MASP1: variants seen among roughly 807,000 people sequenced by gnomAD.
MASP1 encodes the protein MBL associated serine protease 1, also known as mannan-binding lectin serine protease 1.
MASP1 carries 59 observed loss-of-function variants against 77.1 expected under a neutral mutation model. That is an observed-to-expected ratio of 0.77 (90% CI 0.62 to 0.95). The LOEUF is 0.95. Ranked by LOEUF, MASP1 falls within the 40% of genes least tolerant of loss-of-function variation. The pLI is 0.00. For synonymous variants in MASP1, 362 were observed against 354.5 expected (o/e 1.02, Z -0.24); for missense variants, 885 against 912.9 (o/e 0.97, Z 0.39).
chr3:187,223,207 A>G, intron 13 of MASP1: 1 of 1,611,702 alleles, frequency 6.2e-7, no homozygotes, highest in Non-Finnish European at 8.5e-7. Flanking sequence ...GGAGGAGAGA[A>G]GATACTGTGA....
At chr3:187,260,595 A>G (rs1043926675) in intron 4 of MASP1, 146 bp downstream of exon 4, 4 of 1,144,926 alleles carry the variant, frequency 3.5e-6, no homozygotes, top group Admixed American at 3.8e-5. Context: ...GCATTTCTGC[A>G]TCTTCATCCA....
chr3:187,236,647 T>A (rs1713217333), intron 10 of MASP1, 80 bp from the exon 11 acceptor site: 2 of 1,611,164 alleles, frequency 1.2e-6, no homozygotes, highest in Admixed American at 3.3e-5. Context: ...CAAAGATAAA[T>A]TCACATTTCA....
chr3:187,283,501 TAAGAGA>T (rs1368408321), intron 2 of MASP1, among the ~76,000 whole-genome samples: 1 of 152,136 alleles, frequency 6.6e-6, no homozygotes, highest in East Asian at 1.9e-4. Context: ...GAATCAAACT[TAAGAGA>T]AAGAGTTTCT....
In MASP1 at chr3:187,240,427, C is replaced by T. The variant is rs16861787; in HGVS notation, c.1303+1054G>A. 1.5e-3 allele frequency among the ~76,000 whole-genome samples: 226 copies of T among 152,216 alleles called. 2 individuals carry two copies. Among genetic ancestry groups the T allele is most frequent in the African/African-American group, 5.1e-3 (210 of 41,514 alleles). The stretch of plus-strand genomic sequence containing the variant: ...AAGGCATTTAATTTTCAGTATTCCT[C>T]AATGCTGTCTTGAGTGATTGTATCA... On this transcript the variant is annotated intron_variant, in intron 10 of 10. Transcript: ENST00000296280.
intron 4 of MASP1, among the ~76,000 whole-genome samples, chr3:187,257,134 G>C (rs991650267): frequency 6.6e-6 from 1 of 152,064 alleles, no homozygotes; most frequent in African/African-American, 2.4e-5. Context: ...ATGGGGGTCA[G>C]GGAGAGGGAT....
chr3:187,268,437 C>T lies in MASP1; in HGVS notation c.238-5717G>A, dbSNP rs60797280. Among the ~76,000 whole-genome samples the T allele has an allele frequency of 3.3e-3, 501 of 150,556 alleles. 2 individuals carry two copies. The highest frequency in any genetic ancestry group is 0.011 in the African/African-American group (441 of 40,878). On this transcript the variant is annotated intron_variant, in intron 2 of 10. Transcript: ENST00000296280. The stretch of plus-strand genomic sequence containing the variant: ...GGGAGGTTGAAGCTGCAGTGAGCCA[C>T]GATCATGCCACTACACTCCAGCCTG...
chr3:187,291,537 G>A, intron 1 of MASP1, 91 bp downstream of exon 1: 3 of 1,527,548 alleles, frequency 2.0e-6, no homozygotes, highest in Middle Eastern at 1.7e-4. Flanking sequence ...GGACACGCAG[G>A]TGAGTCTGTC....
At chr3:187,264,197 G>T (rs1157381224) in intron 2 of MASP1, among the ~76,000 whole-genome samples, 3 of 152,148 alleles carry the variant, frequency 2.0e-5, no homozygotes, top group African/African-American at 7.2e-5. Context: ...AAAACAATTT[G>T]CCCTGGCAAC....
At position 187,234,717 on chromosome 3, in the gene MASP1, C is replaced by G. The variant is rs1190692026; in HGVS notation, c.*967G>C. 7.8e-7 allele frequency: 1 copy of G among 1,287,150 alleles called. No individual in the cohort carries two copies. The highest frequency in any genetic ancestry group is 1.5e-5 in the African/African-American group (1 of 65,804). 79.7% of individuals were successfully genotyped at this position (1,287,150 alleles called of 1,614,324 possible). On this transcript the variant is annotated 3_prime_UTR_variant, in exon 11 of 11. Transcript: ENST00000296280. The stretch of plus-strand genomic sequence containing the variant: ...TTCTAATGTGCCCACCCCACTCTTT[C>G]TTCCATTTTCCTGCCCAAAAGCACA...
At position 187,291,734 on chromosome 3, in the gene MASP1, T is replaced by C; in HGVS notation, c.-102A>G. ...TGGTGTCCGTGATGCCTTATCTTTGTTCTGAGGTCCCTGTGTGTCTCTGGA... is the reference window on the plus strand; with the variant it reads ...TGGTGTCCGTGATGCCTTATCTTTGCTCTGAGGTCCCTGTGTGTCTCTGGA... On this transcript the variant is annotated 5_prime_UTR_variant, in exon 1 of 11. Transcript: ENST00000296280. 1 of 1,407,056 alleles carries C rather than the reference T, an allele frequency of 7.1e-7. No individual in the cohort carries two copies. Among genetic ancestry groups the C allele is most frequent in the South Asian group, 1.2e-5 (1 of 86,904 alleles). The allele number at this position is 1,407,056 out of a possible 1,614,324, so 87.2% of individuals were successfully genotyped here.
At chr3:187,250,911 C>T (rs530857865) in intron 7 of MASP1, among the ~76,000 whole-genome samples, 2 of 152,242 alleles carry the variant, frequency 1.3e-5, no homozygotes, top group East Asian at 3.9e-4. Flanking sequence ...CATGTGATTC[C>T]TAGAACTACT....
rs1715108798 is a variant in MASP1 at position 187,256,697 on chromosome 3, A to G, written c.711T>C (p.His237=). 8 of 1,613,952 alleles carry G rather than the reference A, an allele frequency of 5.0e-6. No homozygotes were observed. Among genetic ancestry groups the G allele is most frequent in the Non-Finnish European group, 6.8e-6 (8 of 1,179,994 alleles). The change falls in exon 5 of 11, where the codon CAT becomes CAC. Residue 237 remains histidine, a synonymous_variant. Coordinates refer to ENST00000296280, the MANE Select transcript of MASP1 (RefSeq NM_139125.4). The part of the protein sequence containing the change: ...QFEDIFDIED[H]PEVPCPYDYI... Reference sequence around the variant, plus strand: ...AGTCATAGGGGCAGGGCACCTCAGGATGGTCCTCAATGTCAAATATGTCCT... The same window carrying G: ...AGTCATAGGGGCAGGGCACCTCAGGGTGGTCCTCAATGTCAAATATGTCCT...
At chr3:187,221,044 C>T in exon 15 of MASP1, 1 of 1,613,992 alleles carries the variant, frequency 6.2e-7, no homozygotes, top group Non-Finnish European at 8.5e-7. Flanking sequence ...CCTTCCTTCT[C>T]CCCAGCACAG....
At chr3:187,258,323 C>T (rs556542454) in intron 4 of MASP1, among the ~76,000 whole-genome samples, 14 of 152,234 alleles carry the variant, frequency 9.2e-5, no homozygotes, top group Non-Finnish European at 1.9e-4. Flanking sequence ...TTTACAGAGG[C>T]TGCACACCTG....
At chr3:187,290,149 C>T (rs999404359) in intron 1 of MASP1, among the ~76,000 whole-genome samples, 1 of 152,076 alleles carries the variant, frequency 6.6e-6, no homozygotes, top group African/African-American at 2.4e-5. Context: ...GGGAGGTGGA[C>T]ATTTAAACAA....
chr3:187,265,872 T>A (rs1231742985), intron 2 of MASP1, among the ~76,000 whole-genome samples: 1 of 152,164 alleles, frequency 6.6e-6, no homozygotes, highest in African/African-American at 2.4e-5. Flanking sequence ...ATGGACTGTC[T>A]CTTAGAGAGG....
intron 2 of MASP1, among the ~76,000 whole-genome samples, chr3:187,267,162 T>C (rs545436618): frequency 1.3e-5 from 2 of 152,278 alleles, no homozygotes; most frequent in East Asian, 1.9e-4. Flanking sequence ...ATGAATCTAG[T>C]GAGTGGTGGA....
At chr3:187,250,213 G>T in intron 8 of MASP1, 38 bp downstream of exon 8, 2 of 1,535,702 alleles carry the variant, frequency 1.3e-6, no homozygotes, top group Non-Finnish European at 1.8e-6. Flanking sequence ...GTGCTGGGGA[G>T]CTCAGTATCT....
intron 2 of MASP1, among the ~76,000 whole-genome samples, chr3:187,276,101 G>GC (rs11387448): frequency 0.98 from 147,701 of 151,276 alleles, 72,207 homozygotes; most frequent in Middle Eastern, 1. Context: ...TGGTTAAAGT[G>GC]CCCCCCAGGG....
Sources: gnomAD v4.1 joint callset for allele counts (sites outside exome capture counted in the v4.1 genomes callset) on GRCh38, gnomAD v4.1.1 for gene constraint, MANE v1.5 for transcripts, NCBI Gene and HGNC (gene_info 2026-07-23, HGNC 2026-07-21) for gene names.